The following KHDRBS2 variants were observed in gnomAD, a reference collection of about 807,000 sequenced individuals.
KHDRBS2 encodes KH RNA binding domain containing, signal transduction associated 2, also known as KH domain-containing, RNA-binding, signal transduction-associated protein 2.
In KHDRBS2, 26 loss-of-function variants were observed where a neutral mutation model predicts 44.3. The observed-to-expected ratio is 0.59, with a 90% CI of 0.43 to 0.81. The LOEUF (loss-of-function observed/expected upper bound fraction) is 0.81, where lower values mean the gene tolerates loss of function less well. KHDRBS2 is among the 40% of genes least tolerant of loss of function. KHDRBS2 has a pLI of 0.00. For missense variants in KHDRBS2, 476 were observed against 433.1 expected (o/e 1.10, Z -0.88); for synonymous variants, 194 against 151.1 (o/e 1.28, Z -2.08).
chr6:61,558,258 G>A, the KHDRBS2 span, among the ~76,000 whole-genome samples: 3,708 of 152,036 alleles, frequency 0.024, 69 homozygotes, highest in Middle Eastern at 0.079. Context: ...TGATGTAGGT[G>A]CTTATAGCCA....
chr6:62,139,321 G>A (rs759916371), intron 2 of KHDRBS2, among the ~76,000 whole-genome samples: 2 of 152,038 alleles, frequency 1.3e-5, no homozygotes, highest in African/African-American at 2.4e-5. Flanking sequence ...GGGATGCCGA[G>A]GTAGGTGGAT....
chr6:61,569,334 C>T, the KHDRBS2 span, among the ~76,000 whole-genome samples: 2 of 152,150 alleles, frequency 1.3e-5, no homozygotes, highest in Non-Finnish European at 2.9e-5. Flanking sequence ...AAAAGATAGA[C>T]TCTCTTAGGG....
At chr6:61,995,197 A>G (rs1418030204) in intron 3 of KHDRBS2, among the ~76,000 whole-genome samples, 1 of 152,056 alleles carries the variant, frequency 6.6e-6, no homozygotes, top group Non-Finnish European at 1.5e-5. Flanking sequence ...TTGATCCTGA[A>G]TTTTGCACAT....
At chr6:62,184,291 C>T (rs956859337) in intron 1 of KHDRBS2, among the ~76,000 whole-genome samples, 5 of 151,738 alleles carry the variant, frequency 3.3e-5, no homozygotes, top group East Asian at 1.9e-4. Flanking sequence ...AAGGAAACGA[C>T]TTTGCACAAA....
chr6:61,969,482 CTAACTA>C (rs1457907656), intron 4 of KHDRBS2, among the ~76,000 whole-genome samples: 2 of 151,976 alleles, frequency 1.3e-5, no homozygotes, highest in Non-Finnish European at 2.9e-5. Context: ...AAATCTTATC[CTAACTA>C]TAACTTGTCT....
At chr6:62,241,395 G>A (rs1209975210) in intron 1 of KHDRBS2, among the ~76,000 whole-genome samples, 10 of 152,158 alleles carry the variant, frequency 6.6e-5, no homozygotes, top group African/African-American at 2.4e-4. Context: ...AGATAAACTT[G>A]AAGAAAGTGC....
intron 6 of KHDRBS2, among the ~76,000 whole-genome samples, chr6:61,763,413 T>C (rs1291467114): frequency 6.6e-6 from 1 of 152,184 alleles, no homozygotes; most frequent in Non-Finnish European, 1.5e-5. Context: ...TTGTGAAGAA[T>C]TTGGAACATC....
chr6:62,187,764 TCTTAA>T (rs1383793915), intron 1 of KHDRBS2, among the ~76,000 whole-genome samples: 6 of 152,090 alleles, frequency 3.9e-5, no homozygotes, highest in Non-Finnish European at 7.4e-5. Flanking sequence ...AAATCTATCC[TCTTAA>T]CTTATTTTAA....
At chr6:61,686,463 T>C (rs1181087384) in intron 8 of KHDRBS2, among the ~76,000 whole-genome samples, 1 of 151,822 alleles carries the variant, frequency 6.6e-6, no homozygotes, top group Non-Finnish European at 1.5e-5. Flanking sequence ...TTTGAGGCTA[T>C]TTAATCCCAA....
At chr6:62,074,149 G>C (rs890198828) in intron 2 of KHDRBS2, among the ~76,000 whole-genome samples, 1 of 151,874 alleles carries the variant, frequency 6.6e-6, no homozygotes. Flanking sequence ...GCATGAAGCT[G>C]TAACTTCACT....
At chr6:61,882,589 A>G (rs1800358475) in intron 6 of KHDRBS2, among the ~76,000 whole-genome samples, 1 of 152,032 alleles carries the variant, frequency 6.6e-6, no homozygotes, top group African/African-American at 2.4e-5. Context: ...ATCGTCAACA[A>G]TGAAGAGAAA....
intron 6 of KHDRBS2, among the ~76,000 whole-genome samples, chr6:61,800,749 T>C (rs561945620): frequency 2.0e-5 from 3 of 152,144 alleles, no homozygotes; most frequent in Non-Finnish European, 4.4e-5. Context: ...GCTATGGAAG[T>C]TTATTTTTAA....
At chr6:61,954,483 A>G (rs1219794369) in intron 4 of KHDRBS2, among the ~76,000 whole-genome samples, 2 of 135,036 alleles carry the variant, frequency 1.5e-5, no homozygotes, top group Non-Finnish European at 3.1e-5. Flanking sequence ...GTATATACAC[A>G]TGCGTATGTA....
At chr6:61,841,014 C>T (rs1242914346) in intron 6 of KHDRBS2, among the ~76,000 whole-genome samples, 2 of 151,938 alleles carry the variant, frequency 1.3e-5, no homozygotes, top group African/African-American at 2.4e-5. Flanking sequence ...CAAAATTAAC[C>T]CTAATTTGTA....
chr6:62,054,020 A>C (rs754576932), intron 2 of KHDRBS2, among the ~76,000 whole-genome samples: 2 of 152,058 alleles, frequency 1.3e-5, no homozygotes, highest in Non-Finnish European at 2.9e-5. Flanking sequence ...ACCTTTACAG[A>C]ACATGTATAA....
At chr6:61,667,998 G>C in the KHDRBS2 span, among the ~76,000 whole-genome samples, 459 of 151,148 alleles carry the variant, frequency 3.0e-3, 4 homozygotes, top group African/African-American at 0.011. Flanking sequence ...GAGTAATTAA[G>C]TTTTTAAAAT....
intron 1 of KHDRBS2, among the ~76,000 whole-genome samples, chr6:62,249,222 T>A (rs1209208445): frequency 1.3e-5 from 2 of 152,104 alleles, no homozygotes; most frequent in African/African-American, 4.8e-5. Flanking sequence ...ATTATGGATA[T>A]AGGTACATGT....
At chr6:61,586,692 C>A in the KHDRBS2 span, among the ~76,000 whole-genome samples, 405 of 152,096 alleles carry the variant, frequency 2.7e-3, 3 homozygotes, top group African/African-American at 9.4e-3. Flanking sequence ...AGGGATCCAG[C>A]GGCCATGTTC....
At chr6:62,165,070 A>G (rs983571139) in intron 2 of KHDRBS2, among the ~76,000 whole-genome samples, 11 of 151,684 alleles carry the variant, frequency 7.3e-5, no homozygotes, top group Non-Finnish European at 1.2e-4. Flanking sequence ...TTTCTTTTTG[A>G]TTTTAGTAAT....
Sources: allele counts gnomAD v4.1 joint callset (sites outside exome capture counted in the v4.1 genomes callset), GRCh38; gene constraint gnomAD v4.1.1; transcripts MANE v1.5; gene names NCBI Gene and HGNC (gene_info 2026-07-23, HGNC 2026-07-21).